The following TMEM30A variants were observed in gnomAD, a reference collection of about 807,000 sequenced individuals.
TMEM30A encodes the protein cell cycle control protein 50A.
TMEM30A carries 24 observed loss-of-function variants against 38.2 expected under a neutral mutation model. The ratio of observed to expected loss-of-function variants is 0.63; its 90% CI spans 0.46 to 0.88. The LOEUF is 0.88. Ranked by LOEUF, TMEM30A falls within the 40% of genes least tolerant of loss-of-function variation. The probability of loss-of-function intolerance (pLI) is 0.00; values close to 1 mark genes in which losing one functional copy is unlikely to be tolerated. For missense variants in TMEM30A, 370 were observed against 458.6 expected (o/e 0.81, Z 1.77); for synonymous variants, 145 against 161.6 (o/e 0.90, Z 0.78).
At chr6:75,256,687 C>G in intron 6 of TMEM30A, 1 of 422,608 alleles carries the variant, frequency 2.4e-6, no homozygotes, top group Non-Finnish European at 4.7e-6. Flanking sequence ...AAATCAGGAA[C>G]TAGAAGTCTC....
chr6:75,265,024 G>C (rs1466697066), intron 3 of TMEM30A, among the ~76,000 whole-genome samples: 5 of 151,946 alleles, frequency 3.3e-5, no homozygotes, highest in African/African-American at 9.7e-5. Context: ...TTGAACCTGG[G>C]GGGTGGAGGT....
At chr6:75,280,950 A>G (rs1400695023) in intron 1 of TMEM30A, among the ~76,000 whole-genome samples, 1 of 152,116 alleles carries the variant, frequency 6.6e-6, no homozygotes, top group African/African-American at 2.4e-5. Flanking sequence ...AAACATACAT[A>G]AAAATTTTTA....
At position 75,256,060 on chromosome 6, in the gene TMEM30A, G is replaced by T; in HGVS notation, c.*42C>A. Reference sequence around the variant, plus strand: ...TCGAAAGCTAGGTTGAATAGGACTGGCCTTGATGCACATGCAGATGATTTG... The same window carrying T: ...TCGAAAGCTAGGTTGAATAGGACTGTCCTTGATGCACATGCAGATGATTTG... On this transcript the variant is annotated 3_prime_UTR_variant, in exon 7 of 7. Coordinates refer to ENST00000230461, the MANE Select transcript of TMEM30A (RefSeq NM_018247.4). 7.0e-7 allele frequency: 1 copy of T among 1,421,298 alleles called. No individual in the cohort carries two copies. Among genetic ancestry groups the T allele is most frequent in the Non-Finnish European group, 9.8e-7 (1 of 1,022,566 alleles). The allele number at this position is 1,421,298 out of a possible 1,614,324, so 88.0% of individuals were successfully genotyped here.
At chr6:75,272,607 A>G (rs1415645761) in intron 1 of TMEM30A, 1 of 152,216 alleles carries the variant, frequency 6.6e-6, no homozygotes, top group Admixed American at 6.5e-5. Context: ...CCTTTGTTCA[A>G]GTGTGCTCTC....
At chr6:75,266,533 T>G (rs113254981) in intron 2 of TMEM30A, among the ~76,000 whole-genome samples, 10 of 152,318 alleles carry the variant, frequency 6.6e-5, no homozygotes, top group African/African-American at 2.4e-4. Flanking sequence ...AAGAGTTTAG[T>G]CCAATTCAAA....
rs1166019333 is a variant in TMEM30A, at chr6:75,253,081, T to C, written c.*3021A>G. The C allele has an allele frequency of 2.0e-5, 3 of 151,976 alleles. No homozygotes were observed. Among genetic ancestry groups the C allele is most frequent in the Non-Finnish European group, 2.9e-5 (2 of 67,990 alleles). The allele number at this position is 151,976 out of a possible 1,614,324, so 9.4% of individuals were successfully genotyped here. On this transcript the variant is annotated 3_prime_UTR_variant, in exon 7 of 7. Transcript: ENST00000230461. ...AATAGACACTTATGCATCAAAATTC[T>C]TGTAAAAGGACCACTTCCCTACTCC...
In TMEM30A at chr6:75,254,247, G is replaced by T. The variant is rs1771831801; in HGVS notation, c.*1855C>A. Reference sequence around the variant, plus strand: ...CCTCTGTGCCCCAGTTAGAAAAAGAGTTGCAGGATGGTAGTCCTCCTTAAA... The same window carrying T: ...CCTCTGTGCCCCAGTTAGAAAAAGATTTGCAGGATGGTAGTCCTCCTTAAA... On this transcript the variant is annotated 3_prime_UTR_variant, in exon 7 of 7. Transcript: ENST00000230461. 1 of 152,072 alleles carries T rather than the reference G, an allele frequency of 6.6e-6. No homozygotes were observed. The highest frequency in any genetic ancestry group is 2.4e-5 in the African/African-American group (1 of 41,424). 9.4% of individuals were successfully genotyped at this position (152,072 alleles called of 1,614,324 possible). A position where few individuals can be genotyped will look rare whatever the true frequency, so the allele number is the denominator to read the frequency against.
intron 1 of TMEM30A, among the ~76,000 whole-genome samples, chr6:75,270,436 A>G (rs953583088): frequency 6.6e-6 from 1 of 152,130 alleles, no homozygotes; most frequent in Non-Finnish European, 1.5e-5. Flanking sequence ...GGAGGTAATC[A>G]GATTTAGGTG....
intron 1 of TMEM30A, among the ~76,000 whole-genome samples, chr6:75,281,758 T>C (rs1316788443): frequency 2.6e-5 from 4 of 152,118 alleles, no homozygotes; most frequent in Non-Finnish European, 5.9e-5. Context: ...AAAATAGCAA[T>C]GAAGGTTTTT....
Position 75,278,784 on chromosome 6 carries a change from T to A in TMEM30A, c.237+5618A>T, listed in dbSNP as rs564165195. On this transcript the variant is annotated intron_variant, in intron 1 of 6. Transcript: ENST00000230461. ...ATCAAATACTCAAGACTATCCACAA[T>A]CTAGCACCAGCTAATTTGCTCTTAC... Among the ~76,000 whole-genome samples the A allele has an allele frequency of 1.8e-4, 27 of 152,284 alleles. 1 individual carries two copies. The South Asian group carries it at 5.4e-3, about 30-fold the overall frequency.
At position 75,275,917 on chromosome 6, in the gene TMEM30A, G is replaced by A. The variant is rs150284123; in HGVS notation, c.238-8169C>T. Among the ~76,000 whole-genome samples, 924 of 152,260 alleles carry A rather than the reference G, an allele frequency of 6.1e-3. 7 individuals carry two copies. The highest frequency in any genetic ancestry group is 0.021 in the African/African-American group (892 of 41,544). On this transcript the variant is annotated intron_variant, in intron 1 of 6. Transcript: ENST00000230461. Reference sequence around the variant, plus strand: ...GGTGCCCCCTAAATAGCTTCAGGATGGAAGCTGGTCACTAGAAAGACCAAG... The same window carrying A: ...GGTGCCCCCTAAATAGCTTCAGGATAGAAGCTGGTCACTAGAAAGACCAAG...
chr6:75,284,592 G>A lies in TMEM30A; in HGVS notation c.47C>T (p.Pro16Leu), dbSNP rs747893383. ...NAKDEVDGGPPCAPGGTAKTR... is the reference protein window; with the variant it reads ...NAKDEVDGGPLCAPGGTAKTR... ...CTTCGCGGTGCCCCCCGGAGCACAC[G>A]GGGGCCCACCGTCCACTTCATCCTT... The change falls in exon 1 of 7, where the codon CCG (proline) becomes CTG (leucine). Residue 16 changes from proline (P) to leucine (L), a missense_variant. Coordinates refer to ENST00000230461, the MANE Select transcript of TMEM30A (RefSeq NM_018247.4). 17 of 1,613,706 alleles carry A rather than the reference G, an allele frequency of 1.1e-5. No homozygotes were observed. The highest frequency in any genetic ancestry group is 1.2e-5 in the Non-Finnish European group (14 of 1,179,922).
chr6:75,273,910 C>T (rs745585460), intron 1 of TMEM30A, among the ~76,000 whole-genome samples: 45 of 152,314 alleles, frequency 3.0e-4, no homozygotes, highest in Admixed American at 5.2e-4. Flanking sequence ...GTTTCATTCA[C>T]TCATTCAAAC....
intron 1 of TMEM30A, 127 bp from the exon 2 acceptor site, chr6:75,267,875 T>A (rs240395): frequency 0.87 from 426,075 of 489,738 alleles, 188,253 homozygotes; most frequent in Non-Finnish European, 0.93. Flanking sequence ...ACAAAAACTG[T>A]TTTTAAGGTC....
rs1772092292 is a variant in TMEM30A, at chr6:75,267,691, C to G, written c.295G>C (p.Val99Leu). ...TTAATGGTACAAAAGCAAGGTGTCA[C>G]ATCCGGAGATAAACATTTATTACAG... The part of the protein sequence containing the change: ...SPCNKCLSPD[V>L]TPCFCTINFT... Residue 99 changes from valine to leucine, a missense_variant, in exon 2 of 7, where the codon GTG (valine) becomes CTG (leucine). Physicochemically the swap from Val to Leu is conservative, Grantham distance 32. Transcript: ENST00000230461. The G allele has an allele frequency of 1.2e-6, 2 of 1,611,880 alleles. No homozygotes were observed. Among genetic ancestry groups the G allele is most frequent in the Non-Finnish European group, 1.7e-6 (2 of 1,178,986 alleles).
chr6:75,262,292 A>G (rs1771979033), intron 3 of TMEM30A, among the ~76,000 whole-genome samples: 1 of 152,168 alleles, frequency 6.6e-6, no homozygotes, highest in Admixed American at 6.5e-5. Flanking sequence ...GGTTGCAGTG[A>G]GCAGAGATCG....
At chr6:75,263,275 T>C (rs1772004103) in intron 3 of TMEM30A, among the ~76,000 whole-genome samples, 1 of 152,090 alleles carries the variant, frequency 6.6e-6, no homozygotes, top group African/African-American at 2.4e-5. Context: ...AGAGGGAGGA[T>C]GATATGTGAT....
At chr6:75,284,364 GA>G in intron 1 of TMEM30A, 37 bp downstream of exon 1, 1 of 1,596,014 alleles carries the variant, frequency 6.3e-7, no homozygotes, top group Non-Finnish European at 8.6e-7. Context: ...CCCTCCTCCC[GA>G]GCAACGCCAA....
intron 1 of TMEM30A, among the ~76,000 whole-genome samples, chr6:75,278,157 A>C (rs1291384006): frequency 6.6e-6 from 1 of 152,188 alleles, no homozygotes; most frequent in Non-Finnish European, 1.5e-5. Flanking sequence ...TATTATAATC[A>C]ATATAAAAAT....
Sources: gnomAD v4.1 joint callset for allele counts (sites outside exome capture counted in the v4.1 genomes callset) on GRCh38, gnomAD v4.1.1 for gene constraint, MANE v1.5 for transcripts, NCBI Gene and HGNC (gene_info 2026-07-23, HGNC 2026-07-21) for gene names.